Variants in LRRC17 observed in about 807,000 individuals in gnomAD.
LRRC17 encodes leucine rich repeat containing 17.
In LRRC17, 33 loss-of-function variants were observed where a neutral mutation model predicts 41.5. The observed-to-expected ratio is 0.80, with a 90% CI of 0.60 to 1.06. The LOEUF (loss-of-function observed/expected upper bound fraction) is 1.06, where lower values mean the gene tolerates loss of function less well. LRRC17 is among the 50% of genes least tolerant of loss of function. The pLI is 0.00. For missense variants in LRRC17, 491 were observed against 519.3 expected (o/e 0.95, Z 0.53); for synonymous variants, 192 against 197.0 (o/e 0.97, Z 0.21).
chr7:102,932,264 T>A (rs556813364), intron 1 of LRRC17, among the ~76,000 whole-genome samples: 67 of 152,374 alleles, frequency 4.4e-4, no homozygotes, highest in African/African-American at 1.5e-3. Flanking sequence ...CCTGCTTTTT[T>A]ATTTTTTTGT....
rs1464955598 is a variant in LRRC17, at chr7:102,944,406, C to A, written c.1125C>A (p.Gly375=). The A allele has an allele frequency of 6.2e-7, 1 of 1,613,942 alleles. No homozygotes were observed. The highest frequency in any genetic ancestry group is 8.5e-7 in the Non-Finnish European group (1 of 1,179,924). ...ACCACTACAATGTCCATTTTAATGG[C>A]CTGGAATGCAAAACGCCTGAAGAAT... The part of the protein sequence containing the change: ...LKHHYNVHFN[G]LECKTPEEYK... The change falls in exon 4 of 4, where the codon GGC becomes GGA. Residue 375 remains glycine (G), a synonymous_variant. Transcript: ENST00000339431.
At chr7:102,929,298 A>G (rs535936960) in intron 1 of LRRC17, among the ~76,000 whole-genome samples, 1 of 152,208 alleles carries the variant, frequency 6.6e-6, no homozygotes, top group African/African-American at 2.4e-5. Flanking sequence ...ATATGTAAAC[A>G]TAAGTGTAAT....
In LRRC17 at chr7:102,913,255, C is replaced by A. The variant is rs79283665; in HGVS notation, c.-141+110C>A. ...GAGAGGAAGGAAAGTATTATACTTC[C>A]GTTGTTCTCTCAAATCTTTCTTAAG... On this transcript the variant is annotated intron_variant, in intron 1 of 3. Transcript: ENST00000339431. The A allele has an allele frequency of 6.8e-4, 1,092 of 1,610,370 alleles. 7 individuals carry two copies. The African/African-American group carries it at 0.014, about 20-fold the overall frequency.
chr7:102,940,478 G>A (rs1325031197), intron 3 of LRRC17, among the ~76,000 whole-genome samples: 2 of 152,110 alleles, frequency 1.3e-5, no homozygotes, highest in Non-Finnish European at 2.9e-5. Context: ...CCAAAGTGCT[G>A]GGATTACAGG....
intron 1 of LRRC17, among the ~76,000 whole-genome samples, chr7:102,924,027 G>GTCA (rs1817587746): frequency 6.6e-6 from 1 of 151,970 alleles, no homozygotes; most frequent in South Asian, 2.1e-4. Flanking sequence ...ATCATCTAAG[G>GTCA]TCAGGAGTTT....
intron 1 of LRRC17, among the ~76,000 whole-genome samples, chr7:102,917,945 T>C (rs1271515528): frequency 6.6e-6 from 1 of 152,116 alleles, no homozygotes; most frequent in Non-Finnish European, 1.5e-5. Flanking sequence ...TTTTCAACTT[T>C]AGAAAACTGA....
At chr7:102,913,566 G>A (rs1815199706) in intron 1 of LRRC17, among the ~76,000 whole-genome samples, 1 of 152,172 alleles carries the variant, frequency 6.6e-6, no homozygotes, top group Non-Finnish European at 1.5e-5. Flanking sequence ...TTTGCAGAGT[G>A]TATTGTTGCT....
At chr7:102,939,364 A>G in intron 2 of LRRC17, 66 bp from the exon 3 acceptor site, 10 of 1,366,320 alleles carry the variant, frequency 7.3e-6, no homozygotes, top group South Asian at 1.3e-5. Context: ...TCACACAGAT[A>G]TAACGGTGAC....
At chr7:102,931,794 C>A in intron 1 of LRRC17, 1 of 1,250,464 alleles carries the variant, frequency 8.0e-7, no homozygotes, top group South Asian at 1.4e-5. Flanking sequence ...CCCAAATAAG[C>A]ACACAAGCAT....
rs1327533521 is a variant in LRRC17 at position 102,944,742 on chromosome 7, A to G, written c.*135A>G. ...CTAAAGGAAGCTTTCTTTAATTATA[A>G]GTATTATTGTGACTATTATAGTAAT... On this transcript the variant is annotated 3_prime_UTR_variant, in exon 4 of 4. Transcript: ENST00000339431. The G allele has an allele frequency of 1.3e-6, 1 of 760,818 alleles. No individual in the cohort carries two copies. The highest frequency in any genetic ancestry group is 1.8e-5 in the African/African-American group (1 of 56,654). 47.1% of individuals were successfully genotyped at this position (760,818 alleles called of 1,614,324 possible).
intron 1 of LRRC17, among the ~76,000 whole-genome samples, chr7:102,916,062 C>T (rs188211102): frequency 1.3e-5 from 2 of 152,000 alleles, no homozygotes; most frequent in East Asian, 3.9e-4. Flanking sequence ...CGGCTCACTG[C>T]AACCTCCACC....
At chr7:102,937,949 G>A (rs1381866069) in intron 2 of LRRC17, among the ~76,000 whole-genome samples, 2 of 152,210 alleles carry the variant, frequency 1.3e-5, no homozygotes, top group African/African-American at 2.4e-5. Flanking sequence ...GTCAGATGGT[G>A]TGTATAGGGG....
intron 3 of LRRC17, among the ~76,000 whole-genome samples, chr7:102,943,258 C>T (rs1423660221): frequency 6.6e-6 from 1 of 151,770 alleles, no homozygotes; most frequent in Non-Finnish European, 1.5e-5. Context: ...TCATTTTTAT[C>T]TGCACTTGTC....
intron 1 of LRRC17, among the ~76,000 whole-genome samples, chr7:102,919,045 C>T (rs561832175): frequency 6.6e-6 from 1 of 152,290 alleles, no homozygotes; most frequent in South Asian, 2.1e-4. Context: ...GGACCTCCCA[C>T]AGTGGTCACT....
At chr7:102,940,342 T>C (rs1055172992) in intron 3 of LRRC17, among the ~76,000 whole-genome samples, 90 of 152,090 alleles carry the variant, frequency 5.9e-4, no homozygotes, top group African/African-American at 2.1e-3. Flanking sequence ...CCCAAGTAGC[T>C]GGAACTACAG....
intron 1 of LRRC17, among the ~76,000 whole-genome samples, chr7:102,932,581 CTGTT>C (rs1241137659): frequency 2.0e-5 from 3 of 152,070 alleles, no homozygotes; most frequent in East Asian, 1.9e-4. Flanking sequence ...AATAGTTATT[CTGTT>C]TGTTTGTTTC....
At chr7:102,943,417 A>T (rs1821851859) in intron 3 of LRRC17, among the ~76,000 whole-genome samples, 2 of 152,202 alleles carry the variant, frequency 1.3e-5, no homozygotes, top group Admixed American at 6.5e-5. Context: ...TAATCAAGGG[A>T]AAAGCTTTGA....
Position 102,921,170 on chromosome 7 carries a change from G to A in LRRC17, c.-141+8025G>A, listed in dbSNP as rs114891089. ...CCGTCTCAAAACAAAGCGAATTCAA[G>A]GCAAAGAAACATCAACCAGCATAAA... On this transcript the variant is annotated intron_variant, in intron 1 of 3. Coordinates refer to ENST00000339431, the MANE Select transcript of LRRC17 (RefSeq NM_001031692.3). Among the ~76,000 whole-genome samples, 289 of 151,782 alleles carry A rather than the reference G, an allele frequency of 1.9e-3. 2 individuals carry two copies. Among genetic ancestry groups the A allele is most frequent in the African/African-American group, 6.7e-3 (276 of 41,364 alleles).
At chr7:102,936,758 T>G (rs1820383418) in intron 2 of LRRC17, among the ~76,000 whole-genome samples, 1 of 152,218 alleles carries the variant, frequency 6.6e-6, no homozygotes, top group South Asian at 2.1e-4. Context: ...GTTTATTAAT[T>G]ATCTGAGAAA....
Sources: allele counts gnomAD v4.1 joint callset (sites outside exome capture counted in the v4.1 genomes callset), GRCh38; gene constraint gnomAD v4.1.1; transcripts MANE v1.5; gene names NCBI Gene and HGNC (gene_info 2026-07-23, HGNC 2026-07-21).